Variants in TPCN2 observed in about 807,000 individuals in gnomAD.
The protein encoded by TPCN2 is two pore segment channel 2.
TPCN2 carries 92 observed loss-of-function variants against 111.4 expected under a neutral mutation model. The observed-to-expected ratio is 0.83, with a 90% CI of 0.70 to 0.98. The LOEUF is 0.98. TPCN2 is among the 50% of genes least tolerant of loss of function. The pLI, the probability that TPCN2 is intolerant of heterozygous loss-of-function variation, is 0.00. For missense variants in TPCN2, 995 were observed against 980.1 expected (o/e 1.02, Z -0.20); for synonymous variants, 405 against 414.5 (o/e 0.98, Z 0.28).
rs3750964 is a variant in TPCN2, at chr11:69,072,603, C to T, written c.1062-24C>T. ...AGGGAGCCGAGCTGGCTGTGCTCAC[C>T]GGGCTGTGGGTTTTTCCCTGCAGAG... On this transcript the variant is annotated intron_variant, in intron 11 of 24. Transcript: ENST00000294309. 0.016 allele frequency: 26,409 copies of T among 1,612,716 alleles called. 3,111 individuals are homozygous for T. In the Admixed American group the frequency reaches 0.23, roughly 14 times the overall value.
intron 13 of TPCN2, among the ~76,000 whole-genome samples, chr11:69,077,080 C>CTGCCGTGTCCCTCCACT (rs1423859500): frequency 4.1e-5 from 5 of 122,896 alleles, no homozygotes; most frequent in Non-Finnish European, 6.8e-5. Flanking sequence ...ACTTGCCCTC[C>CTGCCGTGTCCCTCCACT]TGCCCTCCTG....
intron 13 of TPCN2, among the ~76,000 whole-genome samples, chr11:69,074,828 G>A (rs1286118351): frequency 1.3e-5 from 2 of 152,186 alleles, no homozygotes; most frequent in Non-Finnish European, 2.9e-5. Context: ...TGTTCCTCAG[G>A]CTTTGCTCCT....
At chr11:69,083,887 T>C in intron 18 of TPCN2, 58 bp from the exon 19 acceptor site, 1 of 1,533,296 alleles carries the variant, frequency 6.5e-7, no homozygotes, top group Non-Finnish European at 9.0e-7. Context: ...TGGGCCGGGA[T>C]GGTGTCCCCT....
At chr11:69,050,263 C>G (rs978434744) in intron 1 of TPCN2, among the ~76,000 whole-genome samples, 2 of 152,216 alleles carry the variant, frequency 1.3e-5, no homozygotes, top group Non-Finnish European at 2.9e-5. Context: ...TGGCAGGCCC[C>G]TTGATGAGAC....
chr11:69,084,135 G>C (rs1856166438), intron 19 of TPCN2, 119 bp downstream of exon 19: 3 of 1,068,358 alleles, frequency 2.8e-6, no homozygotes. Flanking sequence ...CTTGGGTTCG[G>C]ACGGCAGCAG....
intron 13 of TPCN2, among the ~76,000 whole-genome samples, chr11:69,076,586 CCACCTGCCCTCCTGCCG>C (rs1855763541): frequency 6.8e-6 from 1 of 147,856 alleles, no homozygotes; most frequent in Non-Finnish European, 1.5e-5. Flanking sequence ...CTCTGTCCCT[CCACCTGCCCTCCTGCCG>C]TGTCCCTCCA....
chr11:69,085,317 T>A, intron 20 of TPCN2, 31 bp downstream of exon 20: 1 of 1,398,804 alleles, frequency 7.1e-7, no homozygotes, highest in Non-Finnish European at 1.0e-6. Context: ...CCACAGGGAG[T>A]GTCTCAGGGG....
Position 69,055,253 on chromosome 11 carries a change from C to T in TPCN2, c.330C>T (p.Asp110=), listed in dbSNP as rs199768477. The change falls in exon 4 of 25, where the codon GAC becomes GAT. Residue 110 remains aspartate, a synonymous_variant. Transcript: ENST00000294309. ...ETPSSLTSTA[D]VRYRAAPWEP... Reference sequence around the variant, plus strand: ...CATCCTCACTCACCAGCACGGCGGACGTGCGCTACCGCGCTGCTCCCTGGG... The same window carrying T: ...CATCCTCACTCACCAGCACGGCGGATGTGCGCTACCGCGCTGCTCCCTGGG... The T allele has an allele frequency of 8.0e-5, 129 of 1,614,220 alleles. 1 individual carries two copies. The highest frequency in any genetic ancestry group is 1.9e-4 in the African/African-American group (14 of 75,078).
chr11:69,049,634 T>A (rs992203542), intron 1 of TPCN2, among the ~76,000 whole-genome samples: 2 of 151,944 alleles, frequency 1.3e-5, no homozygotes, highest in Admixed American at 1.3e-4. Flanking sequence ...AGGAGTCCTT[T>A]CTTTGTAGGG....
chr11:69,069,151 A>G (rs1855399679), intron 8 of TPCN2, among the ~76,000 whole-genome samples: 1 of 139,532 alleles, frequency 7.2e-6, no homozygotes. Context: ...AGTCCTAGGA[A>G]GTGACCGCAG....
chr11:69,072,774 C>A, intron 12 of TPCN2, 66 bp downstream of exon 12: 1 of 1,588,742 alleles, frequency 6.3e-7, no homozygotes, highest in Non-Finnish European at 8.6e-7. Flanking sequence ...CCAGCAGCCC[C>A]TTTTCAGGAC....
chr11:69,059,112 C>G (rs1355110852), intron 5 of TPCN2, among the ~76,000 whole-genome samples: 1 of 152,252 alleles, frequency 6.6e-6, no homozygotes, highest in Non-Finnish European at 1.5e-5. Context: ...GGTTTTTCAC[C>G]TGGCACAGGG....
At chr11:69,085,366 G>T (rs1482898737) in intron 20 of TPCN2, 80 bp downstream of exon 20, 2 of 1,381,012 alleles carry the variant, frequency 1.4e-6, no homozygotes, top group South Asian at 1.2e-5. Context: ...TGGCCTCAGT[G>T]GGCTCAGCAT....
rs1237947791 is a variant in TPCN2 at position 69,062,963 on chromosome 11, T to A, written c.626T>A (p.Ile209Asn). ...ATGATGAAGAAGACCTTGAAATGCA[T>A]CCGCTGGTCGCTGCCGGAAATGGCC... Reference protein sequence around the residue: ...SSMMKKTLKCIRWSLPEMASV... With the variant: ...SSMMKKTLKCNRWSLPEMASV... Residue 209 changes from isoleucine to asparagine, a missense_variant, in exon 6 of 25, where the codon ATC becomes AAC. Ile to Asn is a moderately radical substitution (Grantham distance 149). Transcript: ENST00000294309. 6.2e-7 allele frequency: 1 copy of A among 1,613,944 alleles called. No homozygotes were observed. Among genetic ancestry groups the A allele is most frequent in the South Asian group, 1.1e-5 (1 of 91,088 alleles).
At position 69,088,896 on chromosome 11, in the gene TPCN2, G is replaced by A. The variant is rs1055918947; in HGVS notation, c.*943G>A. ...CCATCTAGTGGTGGGATGGGACTTG[G>A]TTGACTACATTTAAGGTAAGGTGGA... On this transcript the variant is annotated 3_prime_UTR_variant, in exon 25 of 25. Coordinates refer to ENST00000294309, the MANE Select transcript of TPCN2 (RefSeq NM_139075.4). The A allele has an allele frequency of 6.6e-6, 1 of 152,142 alleles. No individual in the cohort carries two copies. The allele number at this position is 152,142 out of a possible 1,614,324, so 9.4% of individuals were successfully genotyped here. A position where few individuals can be genotyped will look rare whatever the true frequency, so the allele number is the denominator to read the frequency against.
intron 1 of TPCN2, among the ~76,000 whole-genome samples, chr11:69,052,171 T>TACGG (rs1356268064): frequency 3.9e-5 from 6 of 152,144 alleles, no homozygotes; most frequent in Non-Finnish European, 8.8e-5. Context: ...GTACTTTCCG[T>TACGG]GGTCCTGGGG....
chr11:69,084,038 G>A (rs748873464), intron 19 of TPCN2, 22 bp downstream of exon 19: 2 of 1,613,516 alleles, frequency 1.2e-6, no homozygotes, highest in South Asian at 2.2e-5. Context: ...GCTGCTGCTG[G>A]TGGCGGGTTA....
At position 69,083,998 on chromosome 11, in the gene TPCN2, G is replaced by T. The variant is rs896973; in HGVS notation, c.1743G>T (p.Ala581=). 756,229 of 1,613,476 alleles carry T rather than the reference G, an allele frequency of 0.47. 182,285 individuals carry two copies. The highest frequency in any genetic ancestry group is 0.51 in the Non-Finnish European group (596,943 of 1,179,626). Residue 581 remains alanine, a synonymous_variant, in exon 19 of 25, where the codon GCG becomes GCT. Coordinates refer to ENST00000294309, the MANE Select transcript of TPCN2 (RefSeq NM_139075.4). ...TGGGCCTGGTGCAGAACATGCGTGC[G>T]TTTGGCGGGATCCTGGTGGTGAGTC... ...TVLGLVQNMR[A]FGGILVVVYY...
chr11:69,079,894 G>A lies in TPCN2; in HGVS notation c.1589+11G>A, dbSNP rs1000283158. ...GCCACACCCAGGCTGGTATGTGACTGGGCAGAACCGAGGGCGGCTACAGCA... is the reference window on the plus strand; with the variant it reads ...GCCACACCCAGGCTGGTATGTGACTAGGCAGAACCGAGGGCGGCTACAGCA... On this transcript the variant is annotated intron_variant, in intron 17 of 24. Coordinates refer to ENST00000294309, the MANE Select transcript of TPCN2 (RefSeq NM_139075.4). 6.2e-7 allele frequency: 1 copy of A among 1,613,352 alleles called. No homozygotes were observed. Among genetic ancestry groups the A allele is most frequent in the African/African-American group, 1.3e-5 (1 of 74,916 alleles).
Sources: allele counts gnomAD v4.1 joint callset (sites outside exome capture counted in the v4.1 genomes callset), GRCh38; gene constraint gnomAD v4.1.1; transcripts MANE v1.5; gene names NCBI Gene and HGNC (gene_info 2026-07-23, HGNC 2026-07-21).